The following WDR88 variants were observed in gnomAD, a reference collection of about 807,000 sequenced individuals.
The protein encoded by WDR88 is WD repeat-containing protein 88.
A neutral mutation model predicts 46.8 loss-of-function variants in WDR88; 40 were observed. That is an observed-to-expected ratio of 0.86 (90% CI 0.66 to 1.11). WDR88 has a LOEUF of 1.11. Ranked by LOEUF, WDR88 falls within the 50% of genes most tolerant of loss-of-function variation. WDR88 has a pLI of 0.00. For synonymous variants in WDR88, 235 were observed against 240.7 expected, an observed-to-expected ratio of 0.98 and a Z score of 0.22; for missense variants, 562 against 602.4, an observed-to-expected ratio of 0.93 and a Z score of 0.70.
At chr19:33,150,458 A>G (rs563549150) in intron 5 of WDR88, among the ~76,000 whole-genome samples, 2 of 152,334 alleles carry the variant, frequency 1.3e-5, no homozygotes, top group South Asian at 2.1e-4. Context: ...CAAAAATAAA[A>G]AAATCATTCA....
At chr19:33,133,186 A>AATAT (rs1973168097) in intron 1 of WDR88, among the ~76,000 whole-genome samples, 1 of 112,606 alleles carries the variant, frequency 8.9e-6, no homozygotes, top group African/African-American at 3.7e-5. Context: ...TAAATAAATA[A>AATAT]ATAAATAAAT....
chr19:33,172,419 C>G lies in WDR88; in HGVS notation c.1221C>G (p.Ala407=). The part of the protein sequence containing the change: ...EIPLVIKYKK[A]VGLKLKQCER... ...CTTTGGTAATCAAGTACAAAAAGGC[C>G]GTGGGCTTAAAGTTGAAACAGGTTG... is the stretch of plus-strand genomic sequence containing the variant. Residue 407 remains alanine (A), a synonymous_variant, in exon 10 of 11, where the codon GCC becomes GCG. Coordinates refer to ENST00000355868, the MANE Select transcript of WDR88 (RefSeq NM_173479.4). 6.2e-7 allele frequency: 1 copy of G among 1,613,870 alleles called. No homozygotes were observed. Among genetic ancestry groups the G allele is most frequent in the Non-Finnish European group, 8.5e-7 (1 of 1,179,912 alleles).
rs753706528 is a variant in WDR88 at position 33,175,403 on chromosome 19, G to A, written c.1250G>A (p.Arg417Lys). 1 of 1,614,142 alleles carries A rather than the reference G, an allele frequency of 6.2e-7. No homozygotes were observed. Among genetic ancestry groups the A allele is most frequent in the Admixed American group, 1.7e-5 (1 of 60,016 alleles). ...TAAAATATCCCATGTCAGTGCGAAA[G>A]ATGTGACAGGCCTTTCTCCATCTTC... is the stretch of plus-strand genomic sequence containing the variant. ...AVGLKLKQCE[R>K]CDRPFSIFKS... The change falls in exon 11 of 11, where the codon AGA becomes AAA. Residue 417 changes from arginine (R) to lysine (K), a missense_variant. By Grantham distance (26) the Arg-to-Lys change is conservative. Coordinates refer to ENST00000355868, the MANE Select transcript of WDR88 (RefSeq NM_173479.4).
At chr19:33,174,827 T>G in intron 10 of WDR88, 1 of 979,084 alleles carries the variant, frequency 1.0e-6, no homozygotes, top group Non-Finnish European at 1.2e-6. Flanking sequence ...AGACATGAGC[T>G]GGCAGGAGAC....
At chr19:33,138,597 T>A (rs1973324832) in intron 2 of WDR88, among the ~76,000 whole-genome samples, 1 of 151,822 alleles carries the variant, frequency 6.6e-6, no homozygotes, top group Middle Eastern at 3.2e-3. Flanking sequence ...TCCACCTGCC[T>A]CAGCCTACCA....
chr19:33,170,256 C>T (rs1439290916), intron 9 of WDR88, among the ~76,000 whole-genome samples: 1 of 152,024 alleles, frequency 6.6e-6, no homozygotes, highest in African/African-American at 2.4e-5. Context: ...CAGCTCACTG[C>T]AGCCTGAACC....
At chr19:33,167,714 A>G (rs982158785) in intron 9 of WDR88, among the ~76,000 whole-genome samples, 2 of 135,010 alleles carry the variant, frequency 1.5e-5, no homozygotes, top group Non-Finnish European at 3.2e-5. Context: ...CCTTCCTTCA[A>G]TCCTTCCTTC....
intron 1 of WDR88, among the ~76,000 whole-genome samples, chr19:33,134,286 G>A (rs961965440): frequency 1.2e-4 from 18 of 152,036 alleles, no homozygotes; most frequent in Non-Finnish European, 2.2e-4. Context: ...GTTTTTCCAT[G>A]ATGGAGTTCT....
intron 8 of WDR88, among the ~76,000 whole-genome samples, chr19:33,162,473 A>G (rs1490180206): frequency 1.3e-5 from 2 of 151,514 alleles, no homozygotes; most frequent in Admixed American, 6.6e-5. Flanking sequence ...TCGGCCTCCC[A>G]AAGTGCTGGC....
chr19:33,134,777 C>T (rs1005901012), intron 1 of WDR88, among the ~76,000 whole-genome samples: 4 of 151,936 alleles, frequency 2.6e-5, no homozygotes, highest in African/African-American at 9.7e-5. Flanking sequence ...TCCTCGTGTC[C>T]CCGAGCCCCC....
chr19:33,158,843 G>A (rs1043399489), intron 7 of WDR88, among the ~76,000 whole-genome samples: 2 of 152,160 alleles, frequency 1.3e-5, no homozygotes, highest in African/African-American at 4.8e-5. Flanking sequence ...TGGATTACAG[G>A]TGCGCACTAC....
In WDR88 at chr19:33,132,421, G is replaced by A; in HGVS notation, c.252G>A (p.Trp84Ter). 6.2e-7 allele frequency: 1 copy of A among 1,614,076 alleles called. No individual in the cohort carries two copies. The highest frequency in any genetic ancestry group is 8.5e-7 in the Non-Finnish European group (1 of 1,179,998). ...ACCAGGTGCCGGAGAAATTGATCTG[G>A]GGCGACCAGGACCCTCTCTCCAAGG... ...EKHQVPEKLI[W>*]GDQDPLSKIP... The change falls in exon 1 of 11, where the codon TGG (tryptophan) becomes TGA (stop). Residue 84 changes from tryptophan (W) to a stop codon, truncating the protein, a stop_gained. Transcript: ENST00000355868. LOFTEE classifies it high-confidence loss of function.
rs530756589 is a variant in WDR88 at position 33,158,979 on chromosome 19, C to T, written c.998-1435C>T. On this transcript the variant is annotated intron_variant, in intron 7 of 10. Transcript: ENST00000355868. ...CCTCCCAAAGTGCTGGGATTACAGA[C>T]GTGAGCCACCACACCTGGGCTTTCT... Among the ~76,000 whole-genome samples, 19 of 152,192 alleles carry T rather than the reference C, an allele frequency of 1.2e-4. No individual in the cohort carries two copies. The South Asian group carries it at 3.5e-3, about 28-fold the overall frequency.
At chr19:33,148,637 G>T (rs574143038) in intron 4 of WDR88, 135 bp from the exon 5 acceptor site, 2 of 1,057,646 alleles carry the variant, frequency 1.9e-6, no homozygotes, top group Non-Finnish European at 2.8e-6. Flanking sequence ...TGGAGATCTT[G>T]CATGTTTCCC....
chr19:33,174,577 C>T (rs1457128644), intron 10 of WDR88: 9 of 981,810 alleles, frequency 9.2e-6, no homozygotes, highest in African/African-American at 5.2e-5. Flanking sequence ...GGCTCAGGGA[C>T]GCAGGAGGGC....
intron 1 of WDR88, among the ~76,000 whole-genome samples, chr19:33,134,260 C>G (rs1338863556): frequency 6.6e-6 from 1 of 151,956 alleles, no homozygotes; most frequent in Non-Finnish European, 1.5e-5. Context: ...CGGAATGGTT[C>G]CCCCCTCTTG....
chr19:33,169,397 AAAAC>A (rs1201044821), intron 9 of WDR88, among the ~76,000 whole-genome samples: 3 of 152,184 alleles, frequency 2.0e-5, no homozygotes, highest in East Asian at 1.9e-4. Flanking sequence ...TCAACAACAA[AAAAC>A]AAACAACCCA....
At chr19:33,163,693 A>G (rs1973908265) in intron 8 of WDR88, among the ~76,000 whole-genome samples, 1 of 146,794 alleles carries the variant, frequency 6.8e-6, no homozygotes, top group African/African-American at 2.5e-5. Flanking sequence ...GCTGGAGTGC[A>G]TGATCATGAC....
chr19:33,165,019 A>G (rs762133993), intron 9 of WDR88, among the ~76,000 whole-genome samples: 1 of 151,866 alleles, frequency 6.6e-6, no homozygotes, highest in Non-Finnish European at 1.5e-5. Flanking sequence ...TTAGATTCTC[A>G]TAAGGAGCAC....
Sources: gnomAD v4.1 joint callset for allele counts (sites outside exome capture counted in the v4.1 genomes callset) on GRCh38, gnomAD v4.1.1 for gene constraint, MANE v1.5 for transcripts, NCBI Gene and HGNC (gene_info 2026-07-23, HGNC 2026-07-21) for gene names.